ANKFN1: variants seen among roughly 807,000 people sequenced by gnomAD.
ANKFN1 encodes the protein ankyrin repeat and fibronectin type III domain containing 1.
In ANKFN1, 74 loss-of-function variants were observed where a neutral mutation model predicts 108.7. That is an observed-to-expected ratio of 0.68 (90% CI 0.56 to 0.83). The LOEUF is 0.83. ANKFN1 is among the 40% of genes least tolerant of loss of function. ANKFN1 has a pLI of 0.00. For synonymous variants in ANKFN1, 547 were observed against 516.2 expected, an observed-to-expected ratio of 1.06 and a Z score of -0.81; for missense variants, 1,505 against 1,382.3, an observed-to-expected ratio of 1.09 and a Z score of -1.41.
intron 4 of ANKFN1, among the ~76,000 whole-genome samples, chr17:56,055,557 G>GTATATATATATATA (rs1555588755): frequency 3.8e-4 from 8 of 20,960 alleles, no homozygotes; most frequent in Non-Finnish European, 5.9e-4. Flanking sequence ...TGTGTGTGTG[G>GTATATATATATATA]TATATATACA....
chr17:56,292,251 C>A (rs2044383104), intron 3 of ANKFN1, among the ~76,000 whole-genome samples: 1 of 152,130 alleles, frequency 6.6e-6, no homozygotes, highest in African/African-American at 2.4e-5. Context: ...GCCAAACTGA[C>A]TCAGAGGTTA....
chr17:56,280,217 C>G (rs555230702), intron 3 of ANKFN1, among the ~76,000 whole-genome samples: 1 of 151,820 alleles, frequency 6.6e-6, no homozygotes, highest in East Asian at 1.9e-4. Flanking sequence ...TATATTTCTA[C>G]GTGTATCTGT....
chr17:56,438,697 C>G (rs1448348841), intron 8 of ANKFN1, among the ~76,000 whole-genome samples: 2 of 152,036 alleles, frequency 1.3e-5, no homozygotes. Flanking sequence ...GTAGCTGGGA[C>G]AGTAGGAGCA....
chr17:56,385,364 A>T (rs2047230099), intron 8 of ANKFN1, among the ~76,000 whole-genome samples: 1 of 152,166 alleles, frequency 6.6e-6, no homozygotes, highest in South Asian at 2.1e-4. Context: ...AACCATAAAA[A>T]CCCTAGAAGA....
intron 4 of ANKFN1, among the ~76,000 whole-genome samples, chr17:56,346,534 A>G (rs1391148816): frequency 1.3e-5 from 2 of 152,030 alleles, no homozygotes; most frequent in African/African-American, 2.4e-5. Flanking sequence ...GGGCAAGTTA[A>G]AATGCCACAA....
chr17:56,223,391 T>C (rs1393966253), intron 2 of ANKFN1, among the ~76,000 whole-genome samples: 5 of 152,270 alleles, frequency 3.3e-5, no homozygotes, highest in South Asian at 2.1e-4. Flanking sequence ...TTATTTCGAT[T>C]ACAAATATTT....
At chr17:56,352,339 G>T (rs2046269602) in intron 5 of ANKFN1, among the ~76,000 whole-genome samples, 1 of 152,164 alleles carries the variant, frequency 6.6e-6, no homozygotes, top group African/African-American at 2.4e-5. Flanking sequence ...TTGATAGGGA[G>T]AATTGATTTT....
chr17:56,172,232 A>T (rs912826265), intron 1 of ANKFN1, among the ~76,000 whole-genome samples: 1 of 152,154 alleles, frequency 6.6e-6, no homozygotes, highest in African/African-American at 2.4e-5. Context: ...TGCCTGTCTA[A>T]TTTGAAAGAA....
chr17:56,310,113 G>A (rs1166221915), intron 3 of ANKFN1, among the ~76,000 whole-genome samples: 2 of 147,278 alleles, frequency 1.4e-5, no homozygotes, highest in Non-Finnish European at 3.0e-5. Flanking sequence ...ACATGGATAC[G>A]CTGGACAAAG....
intron 1 of ANKFN1, among the ~76,000 whole-genome samples, chr17:56,175,179 C>CAA (rs1567818247): frequency 6.6e-6 from 1 of 152,146 alleles, no homozygotes; most frequent in African/African-American, 2.4e-5. Context: ...AATAAGTGCT[C>CAA]TATTGATTGA....
intron 4 of ANKFN1, among the ~76,000 whole-genome samples, chr17:56,350,152 C>G (rs1332926845): frequency 6.6e-6 from 1 of 152,158 alleles, no homozygotes; most frequent in Non-Finnish European, 1.5e-5. Context: ...GCCAGGGTAT[C>G]TGGGGTAAGC....
chr17:56,338,417 A>C (rs1240491025), intron 4 of ANKFN1, among the ~76,000 whole-genome samples: 1 of 152,052 alleles, frequency 6.6e-6, no homozygotes, highest in Non-Finnish European at 1.5e-5. Flanking sequence ...AAACCTGTAC[A>C]TTGTGCACAT....
intron 4 of ANKFN1, among the ~76,000 whole-genome samples, chr17:56,330,396 A>G (rs900952238): frequency 3.3e-5 from 5 of 152,316 alleles, no homozygotes; most frequent in African/African-American, 1.2e-4. Flanking sequence ...CCACGATTCA[A>G]TTATCTCCAC....
chr17:56,488,931 A>G (rs1267879158), intron 18 of ANKFN1, among the ~76,000 whole-genome samples: 18 of 152,242 alleles, frequency 1.2e-4, no homozygotes, highest in Admixed American at 1.2e-3. Flanking sequence ...TTTATTTTGT[A>G]TCAGGTATGT....
intron 4 of ANKFN1, among the ~76,000 whole-genome samples, chr17:56,071,279 G>A (rs948980677): frequency 2.6e-5 from 4 of 152,014 alleles, no homozygotes; most frequent in Non-Finnish European, 4.4e-5. Context: ...CTGCCTTTCT[G>A]TATTTACCAG....
At position 56,516,480 on chromosome 17, in the gene ANKFN1, G is replaced by A. The variant is rs1046548977; in HGVS notation, c.*5211G>A. Among the ~76,000 whole-genome samples, 16 of 152,120 alleles carry A rather than the reference G, an allele frequency of 1.1e-4. No homozygotes were observed. Among genetic ancestry groups the A allele is most frequent in the African/African-American group, 1.9e-4 (8 of 41,412 alleles). On this transcript the variant is annotated 3_prime_UTR_variant, in exon 21 of 21. Transcript: ENST00000682825. ...TATGTTAAAGTTTAGACTTCAGTAC[G>A]CTATCTGCACAATTTTGTGTGCTTT...
intron 8 of ANKFN1, among the ~76,000 whole-genome samples, chr17:56,415,510 TGAAAGA>T (rs2048217518): frequency 6.6e-6 from 1 of 151,992 alleles, no homozygotes; most frequent in Non-Finnish European, 1.5e-5. Flanking sequence ...ACCAAAAAAG[TGAAAGA>T]TCTCTACAAT....
intron 4 of ANKFN1, among the ~76,000 whole-genome samples, chr17:56,058,133 A>C (rs965923940): frequency 7.2e-5 from 11 of 152,242 alleles, no homozygotes; most frequent in African/African-American, 2.7e-4. Flanking sequence ...GGAATGGTAA[A>C]TGAACAATGG....
At chr17:56,222,200 C>G (rs1230877051) in intron 2 of ANKFN1, among the ~76,000 whole-genome samples, 2 of 152,172 alleles carry the variant, frequency 1.3e-5, no homozygotes, top group African/African-American at 4.8e-5. Context: ...TCTGCACTTG[C>G]CTGGAGGATC....
Sources: gnomAD v4.1 joint callset for allele counts (sites outside exome capture counted in the v4.1 genomes callset) on GRCh38, gnomAD v4.1.1 for gene constraint, MANE v1.5 for transcripts, NCBI Gene and HGNC (gene_info 2026-07-23, HGNC 2026-07-21) for gene names.